OC90: variants seen among roughly 807,000 people sequenced by gnomAD.
The protein encoded by OC90 is otoconin 90.
A neutral mutation model predicts 47.3 loss-of-function variants in OC90; 46 were observed. The observed-to-expected ratio is 0.97, with a 90% CI of 0.77 to 1.24. The LOEUF (loss-of-function observed/expected upper bound fraction) is 1.24. Among genes scored for constraint, OC90 ranks in the 50% most tolerant of loss-of-function variants. The pLI, the probability that OC90 is intolerant of heterozygous loss-of-function variation, is 0.00. For missense variants in OC90, 688 were observed against 583.9 expected (o/e 1.18, Z -1.84); for synonymous variants, 271 against 219.5 (o/e 1.23, Z -2.07).
chr8:132,057,039 C>G (rs138239939), intron 1 of OC90, among the ~76,000 whole-genome samples: 22 of 152,280 alleles, frequency 1.4e-4, no homozygotes, highest in African/African-American at 5.1e-4. Flanking sequence ...CCAGTGTCAT[C>G]ATAATAACAG....
In OC90 at chr8:132,031,912, C is replaced by T; in HGVS notation, c.1000G>A (p.Gly334Arg). 1 of 1,613,998 alleles carries T rather than the reference C, an allele frequency of 6.2e-7. No homozygotes were observed. Among genetic ancestry groups the T allele is most frequent in the Non-Finnish European group, 8.5e-7 (1 of 1,179,868 alleles). Residue 334 changes from glycine (G) to arginine (R), a missense_variant, in exon 12 of 14, where the codon GGA (glycine) becomes AGA (arginine). Transcript: ENST00000254627. ...ESYGCYCGQE[G>R]RGEPRDDLDR... Reference sequence around the variant, plus strand: ...AGGTCATCCCTTGGCTCGCCTCTTCCTTCTTGTCCACAGTAACAGCCATAA... The same window carrying T: ...AGGTCATCCCTTGGCTCGCCTCTTCTTTCTTGTCCACAGTAACAGCCATAA...
At chr8:132,038,347 G>A (rs28448573) in intron 8 of OC90, among the ~76,000 whole-genome samples, 13,315 of 152,230 alleles carry the variant, frequency 0.087, 746 homozygotes, top group African/African-American at 0.14. Flanking sequence ...TGGAGAGTGC[G>A]TGGAGAAAGG....
intron 1 of OC90, among the ~76,000 whole-genome samples, chr8:132,058,000 T>TCACTG (rs1174170762): frequency 6.6e-6 from 1 of 152,238 alleles, no homozygotes; most frequent in African/African-American, 2.4e-5. Flanking sequence ...CAGTGATGAC[T>TCACTG]CACTGCGTAA....
In OC90 at chr8:132,032,012, G is replaced by A. The variant is rs778904804; in HGVS notation, c.900C>T (p.Asp300=). The part of the protein sequence containing the change: ...RFTFLHLGSG[D]NMQVMPQLGE... ...CAAGCTGTGGCATCACCTGCATGTT[G>A]TCCCCACTTCCCAGGTGCAGGAAGG... The change falls in exon 12 of 14, where the codon GAC becomes GAT. Residue 300 remains aspartate, a synonymous_variant. Transcript: ENST00000254627. 6 of 1,613,978 alleles carry A rather than the reference G, an allele frequency of 3.7e-6. No individual in the cohort carries two copies. In the Admixed American group the frequency reaches 1.0e-4, roughly 27 times the overall value.
intron 2 of OC90, among the ~76,000 whole-genome samples, chr8:132,051,361 C>G (rs139235379): frequency 7.9e-4 from 120 of 152,358 alleles, no homozygotes; most frequent in African/African-American, 2.6e-3. Context: ...CCTGCCTTCT[C>G]TTTAGCCAAG....
chr8:132,045,931 T>C (rs750694638), intron 2 of OC90, 48 bp from the exon 3 acceptor site: 3 of 1,070,108 alleles, frequency 2.8e-6, no homozygotes, highest in Non-Finnish European at 4.2e-6. Context: ...ACTGATACAA[T>C]TCACTTGCTG....
intron 12 of OC90, among the ~76,000 whole-genome samples, chr8:132,030,630 G>A (rs891431461): frequency 3.3e-5 from 5 of 152,216 alleles, no homozygotes; most frequent in Admixed American, 6.5e-5. Context: ...CAGGCATGCG[G>A]TTGAACCTCA....
intron 2 of OC90, among the ~76,000 whole-genome samples, chr8:132,050,360 T>C (rs1823195597): frequency 6.6e-6 from 1 of 152,150 alleles, no homozygotes; most frequent in Admixed American, 6.5e-5. Context: ...TGAAGACTTG[T>C]TCACTAGGGG....
chr8:132,024,422 G>C lies in OC90; in HGVS notation c.*59C>G. On this transcript the variant is annotated 3_prime_UTR_variant, in exon 14 of 14. Transcript: ENST00000254627. ...GGGACAGAGGAGGCTGAGAGATAAA[G>C]AGCTGAAGGTGGAGCAGGAGCCACG... 5 of 1,315,950 alleles carry C rather than the reference G, an allele frequency of 3.8e-6. No individual in the cohort carries two copies. The highest frequency in any genetic ancestry group is 4.2e-6 in the Non-Finnish European group (4 of 958,270). 81.5% of individuals were successfully genotyped at this position (1,315,950 alleles called of 1,614,324 possible).
At chr8:132,030,093 C>T (rs756943105) in intron 12 of OC90, among the ~76,000 whole-genome samples, 44 of 152,140 alleles carry the variant, frequency 2.9e-4, no homozygotes, top group Non-Finnish European at 4.6e-4. Flanking sequence ...TAGAGTTCAG[C>T]GTCTACCTCC....
chr8:132,041,379 C>T lies in OC90; in HGVS notation c.344+146G>A, dbSNP rs965653365. 11 of 696,586 alleles carry T rather than the reference C, an allele frequency of 1.6e-5. No individual in the cohort carries two copies. The African/African-American group carries it at 1.6e-4, about 10-fold the overall frequency. The allele number at this position is 696,586 out of a possible 1,614,324, so 43.2% of individuals were successfully genotyped here. On this transcript the variant is annotated intron_variant, in intron 5 of 13. Coordinates refer to ENST00000254627, the MANE Select transcript of OC90 (RefSeq NM_001080399.3). ...ATGACATTGCCATGTAAAGATGAGT[C>T]ACCCAACTAGTAGGTAGTGGAATTA... is the stretch of plus-strand genomic sequence containing the variant.
chr8:132,032,176 T>A (rs1035584553), intron 11 of OC90, 124 bp from the exon 12 acceptor site: 5 of 814,554 alleles, frequency 6.1e-6, no homozygotes, highest in Admixed American at 4.6e-5. Context: ...CCCCATGTCT[T>A]ACTCGTTGGC....
At chr8:132,032,928 C>A (rs1477495374) in intron 11 of OC90, 111 bp downstream of exon 11, 1 of 1,230,114 alleles carries the variant, frequency 8.1e-7, no homozygotes, top group Non-Finnish European at 1.1e-6. Context: ...GATGTCTTCT[C>A]ATCACACCCC....
At chr8:132,044,283 CTCG>C (rs1823100544) in intron 4 of OC90, 147 bp downstream of exon 4, 1 of 618,518 alleles carries the variant, frequency 1.6e-6, no homozygotes, top group South Asian at 2.0e-5. Context: ...CACCACTACT[CTCG>C]TCGGAACTTG....
At chr8:132,048,117 C>T (rs1823159946) in intron 2 of OC90, among the ~76,000 whole-genome samples, 1 of 152,202 alleles carries the variant, frequency 6.6e-6, no homozygotes, top group Admixed American at 6.5e-5. Context: ...GTGCCTCGAT[C>T]TGAGACTTTC....
Position 132,041,715 on chromosome 8 carries a change from G to A in OC90, c.170-16C>T, listed in dbSNP as rs756609213. 1.6e-5 allele frequency: 23 copies of A among 1,432,060 alleles called. No homozygotes were observed. The highest frequency in any genetic ancestry group is 1.3e-4 in the African/African-American group (9 of 71,124). 88.7% of individuals were successfully genotyped at this position (1,432,060 alleles called of 1,614,324 possible). ...CCCAGGCAATCTGTGGGGGTGGGGG[G>A]CAGGGCCTGATAAGCACTGGGAACT... On this transcript the variant is annotated splice_polypyrimidine_tract_variant and intron_variant, in intron 4 of 13. Coordinates refer to ENST00000254627, the MANE Select transcript of OC90 (RefSeq NM_001080399.3).
At chr8:132,055,783 A>C (rs1278444950) in intron 1 of OC90, among the ~76,000 whole-genome samples, 2 of 152,176 alleles carry the variant, frequency 1.3e-5, no homozygotes, top group Non-Finnish European at 2.9e-5. Flanking sequence ...AGAAGCGGGC[A>C]GAGTCCAGCA....
intron 2 of OC90, among the ~76,000 whole-genome samples, chr8:132,051,425 A>T (rs1456244336): frequency 2.0e-5 from 3 of 152,132 alleles, no homozygotes; most frequent in African/African-American, 7.2e-5. Context: ...TCCTTTTTTG[A>T]AGCTTTGGCA....
chr8:132,048,875 C>T (rs1453036952), intron 2 of OC90, among the ~76,000 whole-genome samples: 4 of 151,502 alleles, frequency 2.6e-5, no homozygotes, highest in Non-Finnish European at 5.9e-5. Flanking sequence ...GCTGCAACCC[C>T]CTATGACCCA....
Sources: allele counts gnomAD v4.1 joint callset (sites outside exome capture counted in the v4.1 genomes callset), GRCh38; gene constraint gnomAD v4.1.1; transcripts MANE v1.5; gene names NCBI Gene and HGNC (gene_info 2026-07-23, HGNC 2026-07-21).